DCTN2: variants seen among roughly 807,000 people sequenced by gnomAD.
The protein encoded by DCTN2 is dynactin subunit 2.
A neutral mutation model predicts 55.4 loss-of-function variants in DCTN2; 18 were observed. The observed-to-expected ratio is 0.32, with a 90% CI of 0.22 to 0.48. The LOEUF (loss-of-function observed/expected upper bound fraction) is 0.48, where lower values mean the gene tolerates loss of function less well. Ranked by LOEUF, DCTN2 falls within the 20% of genes least tolerant of loss-of-function variation. The pLI, the probability that DCTN2 is intolerant of heterozygous loss-of-function variation, is 0.99. For missense variants in DCTN2, 390 were observed against 491.0 expected (o/e 0.79, Z 1.94); for synonymous variants, 168 against 185.2 (o/e 0.91, Z 0.76).
intron 2 of DCTN2, chr12:57,543,115 C>A (rs1375070941): frequency 6.9e-6 from 3 of 436,338 alleles, no homozygotes; most frequent in Middle Eastern, 7.2e-4. Context: ...TTTGGGAGGC[C>A]AAGACAGGCG....
chr12:57,539,977 G>A (rs1250666483), intron 2 of DCTN2: 5 of 517,038 alleles, frequency 9.7e-6, no homozygotes, highest in Non-Finnish European at 9.9e-6. Context: ...AGTTGAACCC[G>A]GCAGGCGGAG....
intron 4 of DCTN2, 62 bp from the exon 5 acceptor site, chr12:57,535,216 T>C (rs1350857699): frequency 1.2e-5 from 16 of 1,373,130 alleles, no homozygotes; most frequent in Non-Finnish European, 1.6e-5. Context: ...CAAGAATTCA[T>C]CCACACCCTG....
At chr12:57,543,373 G>T (rs914899124) in intron 2 of DCTN2, among the ~76,000 whole-genome samples, 2 of 150,630 alleles carry the variant, frequency 1.3e-5, no homozygotes, top group Non-Finnish European at 3.0e-5. Context: ...AAAAAAGAAG[G>T]TGACTGAAAA....
chr12:57,534,253 C>G (rs761230230), intron 6 of DCTN2, 39 bp downstream of exon 6: 1 of 1,549,788 alleles, frequency 6.5e-7, no homozygotes, highest in Non-Finnish European at 8.7e-7. Flanking sequence ...ATCCACAACC[C>G]CAGTCAGCAA....
At chr12:57,530,798 T>C in intron 13 of DCTN2, 23 bp from the exon 14 acceptor site, 1 of 1,598,260 alleles carries the variant, frequency 6.3e-7, no homozygotes, top group Non-Finnish European at 8.6e-7. Context: ...AGAGAGGTTT[T>C]ACTCTTTGTC....
At position 57,540,486 on chromosome 12, in the gene DCTN2, G is replaced by A. The variant is rs374167065; in HGVS notation, c.106-4641C>T. On this transcript the variant is annotated intron_variant, in intron 2 of 13. Coordinates refer to ENST00000548249, the MANE Select transcript of DCTN2 (RefSeq NM_001261413.2). Reference sequence around the variant, plus strand: ...GGAAGATTTCAAGTGCCCTGGCCCCGGGTGCCAGCTTACCTAGTACGTGAC... The same window carrying A: ...GGAAGATTTCAAGTGCCCTGGCCCCAGGTGCCAGCTTACCTAGTACGTGAC... 1.8e-3 allele frequency among the ~76,000 whole-genome samples: 277 copies of A among 152,292 alleles called. 2 individuals carry two copies. Among genetic ancestry groups the A allele is most frequent in the African/African-American group, 6.4e-3 (268 of 41,566 alleles).
intron 2 of DCTN2, among the ~76,000 whole-genome samples, chr12:57,540,809 A>G (rs1033283646): frequency 6.6e-6 from 1 of 152,238 alleles, no homozygotes; most frequent in Non-Finnish European, 1.5e-5. Context: ...AAAAGCACAA[A>G]TAATCCAAGT....
intron 13 of DCTN2, among the ~76,000 whole-genome samples, chr12:57,531,620 C>A (rs963804419): frequency 2.0e-5 from 3 of 152,120 alleles, no homozygotes; most frequent in Non-Finnish European, 4.4e-5. Context: ...AGAAAGGAAG[C>A]GACAGAACGA....
At position 57,541,457 on chromosome 12, in the gene DCTN2, A is replaced by G. The variant is rs1044368766; in HGVS notation, c.105+4571T>C. On this transcript the variant is annotated intron_variant, in intron 2 of 13. Coordinates refer to ENST00000548249, the MANE Select transcript of DCTN2 (RefSeq NM_001261413.2). ...GTAAGTTCAAGTGCGCCAACAGTCA[A>G]TGAACACAATCAAGCATACTCCAGG... is the stretch of plus-strand genomic sequence containing the variant. 1.5e-5 allele frequency: 20 copies of G among 1,372,246 alleles called. No homozygotes were observed. The Admixed American group carries it at 3.2e-4, about 22-fold the overall frequency. 85.0% of individuals were successfully genotyped at this position (1,372,246 alleles called of 1,614,324 possible).
At chr12:57,536,880 T>C (rs1880277814) in intron 2 of DCTN2, among the ~76,000 whole-genome samples, 1 of 152,090 alleles carries the variant, frequency 6.6e-6, no homozygotes. Flanking sequence ...TCCTTTTCTG[T>C]TGGGGATGAC....
At chr12:57,544,075 C>T (rs1282709432) in intron 2 of DCTN2, 14 of 434,422 alleles carry the variant, frequency 3.2e-5, no homozygotes, top group African/African-American at 8.2e-5. Context: ...TGTATCACAG[C>T]GACAAAAGGA....
intron 2 of DCTN2, chr12:57,539,959 G>A (rs1880561010): frequency 3.2e-6 from 1 of 312,904 alleles, no homozygotes; most frequent in African/African-American, 2.3e-5. Context: ...CCGGGAGGTG[G>A]AGGTTGCAGT....
chr12:57,544,727 G>A (rs1198864289), intron 2 of DCTN2, among the ~76,000 whole-genome samples: 1 of 152,042 alleles, frequency 6.6e-6, no homozygotes, highest in South Asian at 2.1e-4. Context: ...TTCCATTTGT[G>A]ATTGGTTGAA....
At position 57,535,802 on chromosome 12, in the gene DCTN2, G is replaced by C; in HGVS notation, c.149C>G (p.Pro50Arg). The change falls in exon 3 of 14, where the codon CCT (proline) becomes CGT (arginine). Residue 50 changes from proline (P) to arginine (R), a missense_variant. Physicochemically the swap from Pro to Arg is moderately radical, Grantham distance 103. Around this residue, in one of 2 missense-constraint regions of DCTN2, gnomAD observed 117 missense variants for 187.8 expected, o/e 0.62. Transcript: ENST00000548249. ...CTTGAACTTGTCATAGGCAGCATTA[G>C]GATTGACAATGATGTGTTCCACACT... Reference protein sequence around the residue: ...STSVEHIIVNPNAAYDKFKDK... With the variant: ...STSVEHIIVNRNAAYDKFKDK... The C allele has an allele frequency of 6.2e-7, 1 of 1,613,918 alleles. No homozygotes were observed. Among genetic ancestry groups the C allele is most frequent in the Non-Finnish European group, 8.5e-7 (1 of 1,179,880 alleles).
intron 2 of DCTN2, among the ~76,000 whole-genome samples, chr12:57,542,581 G>A (rs1048761107): frequency 2.6e-5 from 4 of 152,138 alleles, no homozygotes; most frequent in Admixed American, 6.5e-5. Context: ...ACTTTGGGAG[G>A]CCAAGATGGA....
chr12:57,541,327 A>G (rs377745473), intron 2 of DCTN2: 189 of 1,597,598 alleles, frequency 1.2e-4, no homozygotes, highest in Non-Finnish European at 1.6e-4. Context: ...TGGCAGATGA[A>G]AAAAACATGC....
In DCTN2 at chr12:57,547,109, G is replaced by C. The variant is rs1325778443; in HGVS notation, c.-46C>G. The C allele has an allele frequency of 8.0e-7, 1 of 1,252,902 alleles. No homozygotes were observed. Among genetic ancestry groups the C allele is most frequent in the Non-Finnish European group, 1.0e-6 (1 of 989,138 alleles). The allele number at this position is 1,252,902 out of a possible 1,614,324, so 77.6% of individuals were successfully genotyped here. ...GGGGACCCGGGCCTCGGTGGAGCCG[G>C]GGCCGGTGTTCGGGTAGGGGAGAGG... is the stretch of plus-strand genomic sequence containing the variant. On this transcript the variant is annotated 5_prime_UTR_variant, in exon 1 of 14. Transcript: ENST00000548249.
chr12:57,534,982 T>C, intron 5 of DCTN2, 74 bp downstream of exon 5: 1 of 1,324,162 alleles, frequency 7.6e-7, no homozygotes, highest in Non-Finnish European at 1.1e-6. Flanking sequence ...GCAGGGAATC[T>C]TTCTCTTCTT....
intron 1 of DCTN2, 50 bp downstream of exon 1, chr12:57,546,977 TG>T: frequency 1.6e-6 from 2 of 1,247,026 alleles, no homozygotes; most frequent in Non-Finnish European, 2.0e-6. Context: ...TGGGGGTCCT[TG>T]GGAGGTCGGG....
Sources: gnomAD v4.1 joint callset for allele counts (sites outside exome capture counted in the v4.1 genomes callset) on GRCh38, gnomAD v4.1.1 for gene constraint, gnomAD v4.1.1 regional missense constraint, MANE v1.5 for transcripts, NCBI Gene and HGNC (gene_info 2026-07-23, HGNC 2026-07-21) for gene names.